TMEM132B: variants seen among roughly 807,000 people sequenced by gnomAD.
TMEM132B encodes transmembrane protein 132B.
TMEM132B carries 18 observed loss-of-function variants against 90.8 expected under a neutral mutation model. That is an observed-to-expected ratio of 0.20 (90% CI 0.14 to 0.29). The LOEUF is 0.29. TMEM132B is among the 10% of genes least tolerant of loss of function. TMEM132B has a pLI of 1.00. For synonymous variants in TMEM132B, 504 were observed against 523.3 expected (o/e 0.96, Z 0.50); for missense variants, 1,096 against 1,326.8 (o/e 0.83, Z 2.70).
At chr12:125,539,031 C>T (rs1356267815) in intron 4 of TMEM132B, among the ~76,000 whole-genome samples, 4 of 152,190 alleles carry the variant, frequency 2.6e-5, no homozygotes, top group African/African-American at 9.7e-5. Context: ...GGCCTCCTGC[C>T]TGGTCTCCCT....
intron 4 of TMEM132B, among the ~76,000 whole-genome samples, chr12:125,577,820 A>C (rs576996611): frequency 6.6e-6 from 1 of 151,926 alleles, no homozygotes; most frequent in African/African-American, 2.4e-5. Flanking sequence ...TACTCATCTC[A>C]TAGTATTTTC....
At chr12:125,601,964 G>A (rs1329098966) in intron 5 of TMEM132B, among the ~76,000 whole-genome samples, 1 of 152,164 alleles carries the variant, frequency 6.6e-6, no homozygotes, top group Non-Finnish European at 1.5e-5. Context: ...AATTGAGGCA[G>A]TAATTAATAG....
chr12:125,566,835 C>CTTTT (rs869196346), intron 4 of TMEM132B, among the ~76,000 whole-genome samples: 11 of 78,742 alleles, frequency 1.4e-4, no homozygotes, highest in South Asian at 4.7e-4. Flanking sequence ...TCTTCTTCTT[C>CTTTT]TTTTTTTTTT....
intron 1 of TMEM132B, among the ~76,000 whole-genome samples, chr12:125,237,469 A>G (rs917031185): frequency 1.3e-5 from 2 of 151,958 alleles, no homozygotes; most frequent in Non-Finnish European, 2.9e-5. Context: ...TATTTTTTTG[A>G]GAAGGGCTTC....
Position 125,652,588 on chromosome 12 carries a change from G to A in TMEM132B, c.2062G>A (p.Val688Ile), listed in dbSNP as rs779143562. The A allele has an allele frequency of 2.0e-5, 33 of 1,613,594 alleles. No homozygotes were observed. Among genetic ancestry groups the A allele is most frequent in the African/African-American group, 2.7e-5 (2 of 74,922 alleles). Residue 688 changes from valine to isoleucine, a missense_variant, in exon 8 of 9, where the codon GTC becomes ATC. Coordinates refer to ENST00000682704, the MANE Select transcript of TMEM132B (RefSeq NM_001366854.1). Reference protein sequence around the residue: ...QPHRADKRAIVSTAAALDVLQ... With the variant: ...QPHRADKRAIISTAAALDVLQ... ...ACACCGAGCAGACAAAAGGGCCATC[G>A]TCTCCACAGCTGCTGCCCTGGATGT... is the stretch of plus-strand genomic sequence containing the variant.
chr12:125,483,552 G>A (rs572034472), intron 3 of TMEM132B, among the ~76,000 whole-genome samples: 1 of 152,302 alleles, frequency 6.6e-6, no homozygotes, highest in African/African-American at 2.4e-5. Flanking sequence ...CTGTCTTCCT[G>A]TTAGCTGAGG....
At chr12:125,255,748 A>C (rs191956656) in intron 1 of TMEM132B, among the ~76,000 whole-genome samples, 2 of 152,298 alleles carry the variant, frequency 1.3e-5, no homozygotes, top group African/African-American at 4.8e-5. Flanking sequence ...GTTGGAATAC[A>C]GGTGAAATGA....
At chr12:125,330,869 T>G (rs879778874) in intron 1 of TMEM132B, among the ~76,000 whole-genome samples, 13 of 152,214 alleles carry the variant, frequency 8.5e-5, no homozygotes, top group Non-Finnish European at 1.5e-4. Flanking sequence ...CAGTGGGACC[T>G]CATCTCCACA....
chr12:125,596,991 C>G (rs1044424079), intron 5 of TMEM132B, among the ~76,000 whole-genome samples: 9 of 152,164 alleles, frequency 5.9e-5, no homozygotes, highest in African/African-American at 2.2e-4. Flanking sequence ...CAAAATAACA[C>G]TGAAGACCCT....
chr12:125,436,050 C>T (rs142182536), intron 3 of TMEM132B, among the ~76,000 whole-genome samples: 7 of 152,148 alleles, frequency 4.6e-5, no homozygotes, highest in South Asian at 4.2e-4. Context: ...CCTTCTGTTC[C>T]GAGGCAAAGC....
intron 5 of TMEM132B, among the ~76,000 whole-genome samples, chr12:125,612,575 A>T (rs1474797996): frequency 1.4e-5 from 2 of 145,018 alleles, no homozygotes; most frequent in Non-Finnish European, 3.0e-5. Flanking sequence ...AATATATATA[A>T]AATATATATT....
chr12:125,230,879 T>C (rs529882547), intron 1 of TMEM132B, among the ~76,000 whole-genome samples: 16 of 152,310 alleles, frequency 1.1e-4, no homozygotes, highest in South Asian at 2.1e-4. Context: ...AAGGTGAATC[T>C]CTCTTGGTCT....
intron 1 of TMEM132B, among the ~76,000 whole-genome samples, chr12:125,264,349 A>G (rs146305736): frequency 2.6e-5 from 4 of 152,328 alleles, no homozygotes; most frequent in African/African-American, 9.6e-5. Flanking sequence ...CTTATAAAGT[A>G]ACATATTCAC....
At chr12:125,413,890 C>CTA (rs34264408) in intron 2 of TMEM132B, among the ~76,000 whole-genome samples, 81,267 of 151,878 alleles carry the variant, frequency 0.54, 23,345 homozygotes, top group East Asian at 0.74. Flanking sequence ...TATGGTAATT[C>CTA]TGTTTAACTT....
chr12:125,267,723 C>G (rs1874729192), intron 1 of TMEM132B, among the ~76,000 whole-genome samples: 1 of 152,110 alleles, frequency 6.6e-6, no homozygotes, highest in African/African-American at 2.4e-5. Flanking sequence ...GGGGCAGTGG[C>G]TCCTAATCTG....
Position 125,613,090 on chromosome 12 carries a change from C to G in TMEM132B, c.1437+29096C>G, listed in dbSNP as rs1160529844. ...ATATTTATATATTAAAAATATATAT[C>G]ATATATATTTATATATTAAAATATA... On this transcript the variant is annotated intron_variant, in intron 5 of 8. Coordinates refer to ENST00000682704, the MANE Select transcript of TMEM132B (RefSeq NM_001366854.1). Among the ~76,000 whole-genome samples the G allele has an allele frequency of 7.6e-4, 35 of 46,264 alleles. 2 individuals carry two copies. Among genetic ancestry groups the G allele is most frequent in the Non-Finnish European group, 9.6e-4 (30 of 31,326 alleles). 30.4% of individuals were successfully genotyped at this position (46,264 alleles called of 152,430 possible).
chr12:125,326,088 A>T (rs1876555217), intron 1 of TMEM132B, among the ~76,000 whole-genome samples: 1 of 152,082 alleles, frequency 6.6e-6, no homozygotes, highest in Non-Finnish European at 1.5e-5. Flanking sequence ...GGAGAGGGGG[A>T]CACCCCAGGG....
At chr12:125,493,992 G>T (rs529929651) in intron 3 of TMEM132B, among the ~76,000 whole-genome samples, 1 of 132,872 alleles carries the variant, frequency 7.5e-6, no homozygotes, top group African/African-American at 2.9e-5. Flanking sequence ...TCTTCTCCCT[G>T]GAAATGGATG....
At chr12:125,612,120 T>C (rs1885844703) in intron 5 of TMEM132B, among the ~76,000 whole-genome samples, 1 of 152,178 alleles carries the variant, frequency 6.6e-6, no homozygotes, top group Non-Finnish European at 1.5e-5. Context: ...TTGTTATTTC[T>C]TCCTAATATA....
Sources: gnomAD v4.1 joint callset for allele counts (sites outside exome capture counted in the v4.1 genomes callset) on GRCh38, gnomAD v4.1.1 for gene constraint, MANE v1.5 for transcripts, NCBI Gene and HGNC (gene_info 2026-07-23, HGNC 2026-07-21) for gene names.